Variants in F13A1 observed in about 807,000 individuals in gnomAD.
F13A1 encodes coagulation factor XIII A chain, also known as FSF, A subunit.
In F13A1, 47 loss-of-function variants were observed where a neutral mutation model predicts 80.1. That is an observed-to-expected ratio of 0.59 (90% CI 0.46 to 0.75). The LOEUF is 0.75. F13A1 is among the 30% of genes least tolerant of loss of function. The probability of loss-of-function intolerance (pLI) is 0.00; values close to 1 mark genes in which losing one functional copy is unlikely to be tolerated. For missense variants in F13A1, 817 were observed against 930.4 expected, an observed-to-expected ratio of 0.88 and a Z score of 1.59; for synonymous variants, 349 against 344.9, an observed-to-expected ratio of 1.01 and a Z score of -0.13.
intron 4 of F13A1, among the ~76,000 whole-genome samples, chr6:6,265,090 G>A (rs945819111): frequency 2.6e-5 from 4 of 152,126 alleles, no homozygotes; most frequent in Non-Finnish European, 4.4e-5. Flanking sequence ...GTGACACCAC[G>A]TCTCTACAAA....
At chr6:6,278,230 G>A (rs1422613430) in intron 3 of F13A1, among the ~76,000 whole-genome samples, 1 of 152,188 alleles carries the variant, frequency 6.6e-6, no homozygotes, top group Non-Finnish European at 1.5e-5. Flanking sequence ...TCTAGTGGGA[G>A]TATACGGACA....
intron 10 of F13A1, among the ~76,000 whole-genome samples, chr6:6,182,831 G>C (rs1216844642): frequency 1.3e-5 from 2 of 152,186 alleles, no homozygotes; most frequent in Non-Finnish European, 2.9e-5. Flanking sequence ...GAGAAAATCA[G>C]TCCCCATCTG....
intron 10 of F13A1, among the ~76,000 whole-genome samples, chr6:6,188,871 G>T (rs1253332764): frequency 1.3e-4 from 9 of 70,426 alleles, no homozygotes; most frequent in South Asian, 1.1e-3. Context: ...TCTCTTTGTA[G>T]GTCTCTAAGA....
intron 3 of F13A1, among the ~76,000 whole-genome samples, chr6:6,302,449 C>T (rs1043370123): frequency 6.6e-6 from 1 of 152,072 alleles, no homozygotes; most frequent in East Asian, 1.9e-4. Context: ...TACAGCACTG[C>T]AGGCAATTGT....
chr6:6,318,484 G>A (rs1159589461), intron 2 of F13A1, 51 bp downstream of exon 2: 2 of 1,577,784 alleles, frequency 1.3e-6, no homozygotes, highest in East Asian at 2.2e-5. Flanking sequence ...AGGGGCCAGG[G>A]CCCGGCTGTG....
At chr6:6,237,046 T>C (rs940232265) in intron 6 of F13A1, among the ~76,000 whole-genome samples, 10 of 152,002 alleles carry the variant, frequency 6.6e-5, no homozygotes, top group Non-Finnish European at 1.3e-4. Flanking sequence ...GTGGGGCAGG[T>C]GAGAATTGAA....
intron 8 of F13A1, among the ~76,000 whole-genome samples, chr6:6,213,267 G>C (rs1381031279): frequency 6.6e-6 from 1 of 151,294 alleles, no homozygotes; most frequent in Non-Finnish European, 1.5e-5. Context: ...AAATGTTAAG[G>C]GCAGCCAGAG....
At chr6:6,206,973 T>A (rs1222874033) in intron 8 of F13A1, among the ~76,000 whole-genome samples, 1 of 151,784 alleles carries the variant, frequency 6.6e-6, no homozygotes, top group Non-Finnish European at 1.5e-5. Context: ...GAGTAAGGAC[T>A]ACTGGAAATC....
At chr6:6,219,234 G>A (rs1266056685) in intron 8 of F13A1, among the ~76,000 whole-genome samples, 8 of 151,922 alleles carry the variant, frequency 5.3e-5, no homozygotes, top group East Asian at 1.9e-4. Flanking sequence ...GCCATGTGTC[G>A]CCAGTCTACA....
At chr6:6,154,241 T>A (rs1262777636) in intron 13 of F13A1, among the ~76,000 whole-genome samples, 1 of 151,102 alleles carries the variant, frequency 6.6e-6, no homozygotes. Flanking sequence ...AGACTGAGAA[T>A]GGATAAGGCC....
chr6:6,154,131 C>T (rs1165571360), intron 13 of F13A1, among the ~76,000 whole-genome samples: 7 of 104,566 alleles, frequency 6.7e-5, no homozygotes, highest in South Asian at 4.0e-4. Context: ...AAAACTGTTT[C>T]GTACTGACGT....
At chr6:6,253,699 G>T (rs1241323387) in intron 4 of F13A1, among the ~76,000 whole-genome samples, 3 of 152,198 alleles carry the variant, frequency 2.0e-5, no homozygotes, top group Non-Finnish European at 4.4e-5. Context: ...GCATTAGTGT[G>T]ATTATAGCTA....
intron 2 of F13A1, among the ~76,000 whole-genome samples, chr6:6,311,596 C>T (rs1267365994): frequency 5.8e-5 from 1 of 17,384 alleles, no homozygotes; most frequent in African/African-American, 3.4e-4. Context: ...ACATATATAT[C>T]ATGAATATAT....
At chr6:6,209,907 A>T (rs182078740) in intron 8 of F13A1, among the ~76,000 whole-genome samples, 38 of 152,246 alleles carry the variant, frequency 2.5e-4, no homozygotes, top group Middle Eastern at 3.4e-3. Flanking sequence ...ATCTGATGAT[A>T]ATGATGGTTA....
chr6:6,282,892 G>T (rs575915059), intron 3 of F13A1, among the ~76,000 whole-genome samples: 17 of 152,294 alleles, frequency 1.1e-4, no homozygotes, highest in African/African-American at 4.1e-4. Context: ...GTGCATTGCA[G>T]CCTGACTCCC....
intron 8 of F13A1, among the ~76,000 whole-genome samples, chr6:6,210,146 C>G (rs1439262585): frequency 2.0e-5 from 3 of 151,430 alleles, no homozygotes; most frequent in Non-Finnish European, 2.9e-5. Context: ...GGGAAGATTG[C>G]TTGAGCCTGG....
intron 10 of F13A1, among the ~76,000 whole-genome samples, chr6:6,188,053 T>C (rs1301174776): frequency 2.6e-5 from 4 of 151,996 alleles, no homozygotes; most frequent in Non-Finnish European, 4.4e-5. Flanking sequence ...TGTATTTCTG[T>C]GGGATCGGTG....
chr6:6,182,934 A>G (rs1197722912), intron 10 of F13A1, among the ~76,000 whole-genome samples: 1 of 152,158 alleles, frequency 6.6e-6, no homozygotes, highest in African/African-American at 2.4e-5. Context: ...GCTATTTTCT[A>G]TTGGTTCAGC....
intron 8 of F13A1, among the ~76,000 whole-genome samples, chr6:6,203,745 G>A (rs1311857761): frequency 6.6e-6 from 1 of 152,100 alleles, no homozygotes; most frequent in East Asian, 1.9e-4. Flanking sequence ...AAGCTGTTAC[G>A]TTGTGGTACT....
Sources: allele counts gnomAD v4.1 joint callset (sites outside exome capture counted in the v4.1 genomes callset), GRCh38; gene constraint gnomAD v4.1.1; transcripts MANE v1.5; gene names NCBI Gene and HGNC (gene_info 2026-07-23, HGNC 2026-07-21).